LEKR1: variants seen among roughly 807,000 people sequenced by gnomAD.
LEKR1 encodes the protein leucine, glutamate and lysine rich 1, also known as protein LEKR1.
A neutral mutation model predicts 72.4 loss-of-function variants in LEKR1; 59 were observed. The ratio of observed to expected loss-of-function variants is 0.82; its 90% CI spans 0.66 to 1.01. The LOEUF (loss-of-function observed/expected upper bound fraction) is 1.01, where lower values mean the gene tolerates loss of function less well. Ranked by LOEUF, LEKR1 falls within the 50% of genes least tolerant of loss-of-function variation. LEKR1 has a pLI of 0.00. For synonymous variants in LEKR1, 257 were observed against 263.2 expected (o/e 0.98, Z 0.23); for missense variants, 728 against 759.2 (o/e 0.96, Z 0.48).
chr3:157,040,673 A>G (rs1322100459), intron 12 of LEKR1, among the ~76,000 whole-genome samples: 1 of 152,148 alleles, frequency 6.6e-6, no homozygotes, highest in East Asian at 1.9e-4. Context: ...CTGGACAGCC[A>G]CCCACTCACC....
At chr3:156,859,910 A>T (rs944615159) in intron 3 of LEKR1, among the ~76,000 whole-genome samples, 6 of 152,018 alleles carry the variant, frequency 3.9e-5, no homozygotes, top group African/African-American at 1.5e-4. Flanking sequence ...GGTGGATTAA[A>T]TTTTTCTTGG....
chr3:156,832,191 T>G (rs770828110), intron 2 of LEKR1, among the ~76,000 whole-genome samples: 31 of 151,236 alleles, frequency 2.0e-4, no homozygotes, highest in Non-Finnish European at 3.1e-4. Flanking sequence ...AGTGAACAGG[T>G]GGACTATAAG....
intron 7 of LEKR1, among the ~76,000 whole-genome samples, chr3:156,989,896 A>G (rs75088138): frequency 0.012 from 1,754 of 152,202 alleles, 19 homozygotes; most frequent in Admixed American, 0.018. Flanking sequence ...GTTACATGCA[A>G]CATAGCCCTT....
chr3:156,936,056 C>T (rs1355746658), intron 5 of LEKR1, among the ~76,000 whole-genome samples: 2 of 152,098 alleles, frequency 1.3e-5, no homozygotes, highest in South Asian at 4.1e-4. Flanking sequence ...TTAATCCTAA[C>T]CTGTTAATGT....
intron 5 of LEKR1, among the ~76,000 whole-genome samples, 163 bp from the exon 6 acceptor site, chr3:156,942,366 C>T (rs1726289318): frequency 1.3e-5 from 2 of 151,930 alleles, no homozygotes. Context: ...TTCAGACTGA[C>T]TACTGAATTT....
At chr3:156,979,541 A>G (rs942679601) in intron 7 of LEKR1, 4 of 183,272 alleles carry the variant, frequency 2.2e-5, no homozygotes, top group African/African-American at 9.5e-5. Flanking sequence ...ACTTATCCAT[A>G]TATTAAAGCT....
intron 12 of LEKR1, among the ~76,000 whole-genome samples, chr3:157,033,609 C>G (rs535094281): frequency 4.5e-4 from 69 of 152,236 alleles, no homozygotes; most frequent in Admixed American, 1.8e-3. Context: ...AGACAAGAAG[C>G]CATTTCCAGA....
intron 3 of LEKR1, among the ~76,000 whole-genome samples, chr3:156,867,441 CTG>C (rs1377401958): frequency 6.6e-6 from 1 of 152,052 alleles, no homozygotes; most frequent in Non-Finnish European, 1.5e-5. Context: ...GCAAAAGTAA[CTG>C]AGGTTTTTGC....
intron 11 of LEKR1, 31 bp downstream of exon 11, chr3:157,024,955 A>T: frequency 6.8e-7 from 1 of 1,460,614 alleles, no homozygotes; most frequent in Non-Finnish European, 9.4e-7. Flanking sequence ...TCATTATTTA[A>T]TAGATTTGAA....
intron 3 of LEKR1, among the ~76,000 whole-genome samples, chr3:156,893,206 G>C (rs1720832671): frequency 6.6e-6 from 1 of 152,148 alleles, no homozygotes; most frequent in Admixed American, 6.5e-5. Context: ...TCTTGGGTGA[G>C]ATTTTTATTC....
At chr3:156,986,251 G>C (rs1035634621) in intron 7 of LEKR1, among the ~76,000 whole-genome samples, 2 of 152,214 alleles carry the variant, frequency 1.3e-5, no homozygotes, top group Non-Finnish European at 2.9e-5. Context: ...AAGAGTTTCT[G>C]AGGAGTTTGG....
At chr3:156,886,482 A>T (rs972458373) in intron 3 of LEKR1, among the ~76,000 whole-genome samples, 5 of 151,954 alleles carry the variant, frequency 3.3e-5, no homozygotes, top group Non-Finnish European at 7.4e-5. Context: ...GGAAATTTGT[A>T]CCCAGTCAGA....
At chr3:156,850,990 C>A (rs1576661915) in intron 2 of LEKR1, among the ~76,000 whole-genome samples, 1 of 152,110 alleles carries the variant, frequency 6.6e-6, no homozygotes, top group South Asian at 2.1e-4. Context: ...AAAGACCAAT[C>A]AGATCTAAGG....
chr3:156,876,314 G>T (rs1443102358), intron 3 of LEKR1, among the ~76,000 whole-genome samples: 1 of 152,100 alleles, frequency 6.6e-6, no homozygotes, highest in Non-Finnish European at 1.5e-5. Context: ...AGCTGTGCAG[G>T]TCTTTTTTTG....
At chr3:156,908,259 G>A (rs1039394451) in intron 3 of LEKR1, among the ~76,000 whole-genome samples, 6 of 152,048 alleles carry the variant, frequency 3.9e-5, no homozygotes, top group Non-Finnish European at 5.9e-5. Context: ...GAGACTCTCC[G>A]AATATTCAGT....
intron 3 of LEKR1, among the ~76,000 whole-genome samples, chr3:156,861,722 A>G (rs1204198533): frequency 2.0e-5 from 3 of 152,148 alleles, no homozygotes; most frequent in Non-Finnish European, 4.4e-5. Flanking sequence ...CTAGAAGTTC[A>G]TATCACTTTT....
chr3:156,909,897 C>T (rs1722939193), intron 3 of LEKR1, among the ~76,000 whole-genome samples: 1 of 151,602 alleles, frequency 6.6e-6, no homozygotes, highest in Admixed American at 6.6e-5. Context: ...TAATTTTTAA[C>T]ACTAACATAT....
At chr3:156,919,025 GC>G (rs1298433379) in intron 3 of LEKR1, among the ~76,000 whole-genome samples, 3 of 152,140 alleles carry the variant, frequency 2.0e-5, no homozygotes, top group Non-Finnish European at 4.4e-5. Context: ...TTTTGCTCTG[GC>G]AAGAATGGAT....
intron 3 of LEKR1, among the ~76,000 whole-genome samples, chr3:156,884,888 AT>A (rs1719888140): frequency 6.6e-6 from 1 of 152,010 alleles, no homozygotes; most frequent in Non-Finnish European, 1.5e-5. Flanking sequence ...AAAGTTTTTG[AT>A]TTCTTTTCTT....
Sources: gnomAD v4.1 joint callset for allele counts (sites outside exome capture counted in the v4.1 genomes callset) on GRCh38, gnomAD v4.1.1 for gene constraint, MANE v1.5 for transcripts, NCBI Gene and HGNC (gene_info 2026-07-23, HGNC 2026-07-21) for gene names.